Variants in CCDC83 observed in about 807,000 individuals in gnomAD.
CCDC83 encodes coiled-coil domain-containing protein 83.
In CCDC83, 54 loss-of-function variants were observed where a neutral mutation model predicts 50.1. That is an observed-to-expected ratio of 1.08 (90% CI 0.87 to 1.35). CCDC83 has a LOEUF of 1.35. Among genes scored for constraint, CCDC83 ranks in the 40% most tolerant of loss-of-function variants. CCDC83 has a pLI of 0.00. For missense variants in CCDC83, 518 were observed against 473.9 expected (o/e 1.09, Z -0.86); for synonymous variants, 161 against 153.3 (o/e 1.05, Z -0.37).
intron 3 of CCDC83, 92 bp from the exon 4 acceptor site, chr11:85,882,421 T>C (rs899759402): frequency 3.2e-6 from 4 of 1,261,356 alleles, no homozygotes; most frequent in Non-Finnish European, 4.4e-6. Flanking sequence ...CTTCCTGTGA[T>C]ACCCAAAGGC....
At chr11:85,906,732 T>A (rs1038742482) in intron 7 of CCDC83, among the ~76,000 whole-genome samples, 2 of 151,802 alleles carry the variant, frequency 1.3e-5, no homozygotes, top group South Asian at 4.1e-4. Context: ...AAAATTTTTT[T>A]AAAGTAGCCA....
chr11:85,902,140 A>G (rs549532491), intron 7 of CCDC83, among the ~76,000 whole-genome samples: 2 of 152,082 alleles, frequency 1.3e-5, no homozygotes, highest in East Asian at 3.9e-4. Context: ...CACCAAGAAC[A>G]AAAGGAAAAT....
chr11:85,911,950 AGCTG>A (rs937240439), intron 8 of CCDC83, among the ~76,000 whole-genome samples: 5 of 152,162 alleles, frequency 3.3e-5, no homozygotes, highest in African/African-American at 9.6e-5. Context: ...ATGTTTGGTT[AGCTG>A]TCTTCCTTAT....
chr11:85,900,497 A>T (rs1272493907), intron 7 of CCDC83, among the ~76,000 whole-genome samples: 1 of 152,162 alleles, frequency 6.6e-6, no homozygotes, highest in South Asian at 2.1e-4. Context: ...TACCACATAC[A>T]GTCTCCAGTC....
chr11:85,917,452 G>C (rs1270210290), intron 10 of CCDC83, among the ~76,000 whole-genome samples: 1 of 152,172 alleles, frequency 6.6e-6, no homozygotes, highest in Non-Finnish European at 1.5e-5. Context: ...GTATCACATT[G>C]TAAGAGAAGC....
At chr11:85,875,716 G>A (rs1231511286) in intron 3 of CCDC83, among the ~76,000 whole-genome samples, 2 of 152,126 alleles carry the variant, frequency 1.3e-5, no homozygotes, top group Admixed American at 6.5e-5. Context: ...AATGTTTTGA[G>A]GTCATAGATA....
chr11:85,902,252 T>C (rs2093405916), intron 7 of CCDC83, among the ~76,000 whole-genome samples: 1 of 152,174 alleles, frequency 6.6e-6, no homozygotes, highest in Non-Finnish European at 1.5e-5. Context: ...AAAGTTCAGA[T>C]GAAAAATTAT....
intron 8 of CCDC83, chr11:85,912,502 A>C: frequency 1.5e-6 from 1 of 659,588 alleles, no homozygotes; most frequent in Non-Finnish European, 2.7e-6. Flanking sequence ...ACCAATATAG[A>C]TGAGGTGAGG....
chr11:85,907,696 T>C (rs1030231449), intron 7 of CCDC83, among the ~76,000 whole-genome samples: 1 of 152,194 alleles, frequency 6.6e-6, no homozygotes, highest in African/African-American at 2.4e-5. Flanking sequence ...GAAAAAGAAG[T>C]AGTTTTTATT....
chr11:85,892,495 A>G (rs935664312), intron 5 of CCDC83, among the ~76,000 whole-genome samples: 1 of 152,244 alleles, frequency 6.6e-6, no homozygotes, highest in African/African-American at 2.4e-5. Context: ...TTGGAAGAGA[A>G]TAGATTGTGA....
At chr11:85,899,069 G>C in intron 7 of CCDC83, 54 bp downstream of exon 7, 1 of 1,302,182 alleles carries the variant, frequency 7.7e-7, no homozygotes, top group Non-Finnish European at 1.1e-6. Context: ...TTTTTAAGTG[G>C]AAATGACTTT....
rs776307930 is a variant in CCDC83 at position 85,915,401 on chromosome 11, T to C, written c.795-18T>C. ...TATTTATTGACTGACAGATTGTTTT[T>C]CTCATTTGTTCTTTTAGGCGACTAT... On this transcript the variant is annotated intron_variant, in intron 8 of 10. Transcript: ENST00000342404. 6.3e-7 allele frequency: 1 copy of C among 1,576,428 alleles called. No individual in the cohort carries two copies. The highest frequency in any genetic ancestry group is 2.2e-5 in the East Asian group (1 of 44,708).
At chr11:85,909,548 C>T (rs988484622) in intron 7 of CCDC83, among the ~76,000 whole-genome samples, 1 of 143,516 alleles carries the variant, frequency 7.0e-6, no homozygotes, top group African/African-American at 2.6e-5. Flanking sequence ...TATCTAGTAA[C>T]ATTCTTCTAT....
At chr11:85,865,042 A>G in intron 1 of CCDC83, 54 bp from the exon 2 acceptor site, 3 of 883,440 alleles carry the variant, frequency 3.4e-6, no homozygotes, top group Admixed American at 3.8e-5. Context: ...AGTAAACAAA[A>G]GTAGGGAGGC....
chr11:85,882,431 C>A, intron 3 of CCDC83, 82 bp from the exon 4 acceptor site: 1 of 1,386,898 alleles, frequency 7.2e-7, no homozygotes, highest in Non-Finnish European at 9.9e-7. Context: ...TACCCAAAGG[C>A]CGGGAACTTC....
chr11:85,894,308 A>G (rs770149491), intron 5 of CCDC83, among the ~76,000 whole-genome samples: 9 of 152,222 alleles, frequency 5.9e-5, no homozygotes, highest in African/African-American at 1.2e-4. Flanking sequence ...ACGATTTTCA[A>G]CATCATTTGT....
upstream of CCDC83, chr11:85,855,171 C>CTGTCCGCCCAGGGCCGGG (rs1222256434): frequency 6.6e-6 from 1 of 152,344 alleles, no homozygotes; most frequent in Non-Finnish European, 1.5e-5. Flanking sequence ...GAAGTGCGAG[C>CTGTCCGCCCAGGGCCGGG]TGTCCGCCCA....
chr11:85,871,416 C>G (rs10898422), intron 2 of CCDC83, among the ~76,000 whole-genome samples: 2 of 151,966 alleles, frequency 1.3e-5, no homozygotes, highest in South Asian at 4.2e-4. Flanking sequence ...AGTATCCAAA[C>G]GAGCTTTTTT....
chr11:85,917,856 T>C (rs191395300), intron 10 of CCDC83: 62 of 152,326 alleles, frequency 4.1e-4, no homozygotes, highest in African/African-American at 1.4e-3. Context: ...TAGTGGACAG[T>C]TGTCTACAAA....
Sources: gnomAD v4.1 joint callset for allele counts (sites outside exome capture counted in the v4.1 genomes callset) on GRCh38, gnomAD v4.1.1 for gene constraint, MANE v1.5 for transcripts, NCBI Gene and HGNC (gene_info 2026-07-23, HGNC 2026-07-21) for gene names.